The following COL15A1 variants were observed in gnomAD, a reference collection of about 807,000 sequenced individuals.
COL15A1 encodes collagen alpha-1(XV) chain.
Under a neutral mutation model 165.9 loss-of-function variants are expected in COL15A1, and 111 were observed. That is an observed-to-expected ratio of 0.67 (90% CI 0.57 to 0.78). COL15A1 has a LOEUF of 0.78. Ranked by LOEUF, COL15A1 falls within the 30% of genes least tolerant of loss-of-function variation. The pLI is 0.00. For synonymous variants in COL15A1, 659 were observed against 674.8 expected (o/e 0.98, Z 0.36); for missense variants, 1,745 against 1,789.7 (o/e 0.98, Z 0.45).
At chr9:99,064,149 C>T (rs1825859635) in intron 39 of COL15A1, among the ~76,000 whole-genome samples, 1 of 152,122 alleles carries the variant, frequency 6.6e-6, no homozygotes, top group African/African-American at 2.4e-5. Flanking sequence ...AGCTTGCACA[C>T]AGCTTTGGGT....
intron 12 of COL15A1, among the ~76,000 whole-genome samples, chr9:99,020,709 G>A (rs1839011736): frequency 6.6e-6 from 1 of 152,140 alleles, no homozygotes; most frequent in Non-Finnish European, 1.5e-5. Context: ...GTATCAAAGG[G>A]TCCTATGATT....
At chr9:98,971,985 G>A (rs1838064615) in intron 2 of COL15A1, among the ~76,000 whole-genome samples, 1 of 152,232 alleles carries the variant, frequency 6.6e-6, no homozygotes, top group South Asian at 2.1e-4. Context: ...TGTACTGACA[G>A]CTTGAGAGTG....
intron 16 of COL15A1, among the ~76,000 whole-genome samples, chr9:99,029,927 A>T (rs1839191559): frequency 9.6e-6 from 1 of 103,682 alleles, no homozygotes; most frequent in African/African-American, 5.0e-5. Context: ...CTCCATCTCA[A>T]AAAAAAAAAA....
rs140614219 is a variant in COL15A1 at position 99,024,976 on chromosome 9, C to A, written c.1957C>A (p.Pro653Thr). The A allele has an allele frequency of 8.0e-5, 129 of 1,613,642 alleles. 1 individual carries two copies. Among genetic ancestry groups the A allele is most frequent in the South Asian group, 6.7e-4 (61 of 91,024 alleles). Residue 653 changes from proline (P) to threonine (T), a missense_variant, in exon 15 of 42, where the codon CCT (proline) becomes ACT (threonine). By Grantham distance (38) the Pro-to-Thr change is conservative. Transcript: ENST00000375001. ...GPPGSPGEDG[P>T]AGEPGPPGPE... is the part of the protein sequence containing the mutation. Reference sequence around the variant, plus strand: ...CCCTGGATCTCCTGGAGAGGATGGACCTGCTGGTGAACCTGGGCCCCCGGT... The same window carrying A: ...CCCTGGATCTCCTGGAGAGGATGGAACTGCTGGTGAACCTGGGCCCCCGGT...
chr9:99,037,234 C>A (rs1222079596), intron 21 of COL15A1, among the ~76,000 whole-genome samples: 3 of 152,200 alleles, frequency 2.0e-5, no homozygotes, highest in African/African-American at 4.8e-5. Flanking sequence ...TGTCTGACTC[C>A]TCCACCTGCC....
chr9:98,964,155 A>C (rs192157826), intron 2 of COL15A1, among the ~76,000 whole-genome samples: 89 of 152,308 alleles, frequency 5.8e-4, no homozygotes, highest in African/African-American at 2.0e-3. Flanking sequence ...GCCCTGCACC[A>C]TTCTGGGGGA....
chr9:98,957,032 G>A (rs1289443755), intron 2 of COL15A1, among the ~76,000 whole-genome samples: 6 of 152,196 alleles, frequency 3.9e-5, no homozygotes, highest in Non-Finnish European at 8.8e-5. Context: ...CTAACCCCCA[G>A]GACGTGTCAC....
chr9:99,059,906 C>T lies in COL15A1; in HGVS notation c.3355C>T (p.Pro1119Ser). ...ILGAAVALPGPPGPPGQPGLP... is the reference protein window; with the variant it reads ...ILGAAVALPGSPGPPGQPGLP... ...TGTCTTAGCTGTGGCCCTTCCAGGTCCCCCTGGCCCTCCAGGACAGCCAGG... is the reference window on the plus strand; with the variant it reads ...TGTCTTAGCTGTGGCCCTTCCAGGTTCCCCTGGCCCTCCAGGACAGCCAGG... The change falls in exon 36 of 42, where the codon CCC (proline) becomes TCC (serine). Residue 1119 changes from proline (P) to serine (S), a missense_variant. Coordinates refer to ENST00000375001, the MANE Select transcript of COL15A1 (RefSeq NM_001855.5). The T allele has an allele frequency of 6.2e-7, 1 of 1,613,764 alleles. No homozygotes were observed. Among genetic ancestry groups the T allele is most frequent in the Non-Finnish European group, 8.5e-7 (1 of 1,179,852 alleles).
At chr9:99,038,794 G>A in intron 22 of COL15A1, 61 bp downstream of exon 22, 10 of 1,005,174 alleles carry the variant, frequency 9.9e-6, no homozygotes, top group South Asian at 7.8e-5. Flanking sequence ...TTGAAACAAA[G>A]TCGGGTTACT....
chr9:99,024,376 G>A (rs907703234), intron 14 of COL15A1, among the ~76,000 whole-genome samples: 1 of 149,366 alleles, frequency 6.7e-6, no homozygotes, highest in African/African-American at 2.5e-5. Flanking sequence ...CACCTCCCAG[G>A]TTTACTTACT....
chr9:98,948,764 A>G (rs1415760468), intron 2 of COL15A1, among the ~76,000 whole-genome samples: 1 of 152,192 alleles, frequency 6.6e-6, no homozygotes, highest in Non-Finnish European at 1.5e-5. Flanking sequence ...TAAGGGGGCT[A>G]TTGTCCAGGT....
rs761935565 is a variant in COL15A1 at position 98,989,257 on chromosome 9, C to G, written c.803C>G (p.Ser268Trp). 5 of 1,611,768 alleles carry G rather than the reference C, an allele frequency of 3.1e-6. No individual in the cohort carries two copies. The East Asian group carries it at 8.9e-5, about 29-fold the overall frequency. The change falls in exon 5 of 42, where the codon TCG (serine) becomes TGG (tryptophan). Residue 268 changes from serine (S) to tryptophan (W), a missense_variant and splice_region_variant. Ser to Trp is a radical substitution (Grantham distance 177). Transcript: ENST00000375001. ...ILEAVTYTQA[S>W]PKEAKVEPIN... ...GAAGCCGTCACCTACACTCAAGCCTCGGTGAGTACTGGGATGCTGTGCCAT... is the reference window on the plus strand; with the variant it reads ...GAAGCCGTCACCTACACTCAAGCCTGGGTGAGTACTGGGATGCTGTGCCAT...
At position 99,068,575 on chromosome 9, in the gene COL15A1, T is replaced by C. The variant is rs771452054; in HGVS notation, c.3858T>C (p.Asn1286=). The C allele has an allele frequency of 1.3e-6, 2 of 1,540,386 alleles. No individual in the cohort carries two copies. Among genetic ancestry groups the C allele is most frequent in the Non-Finnish European group, 8.7e-7 (1 of 1,152,402 alleles). Residue 1286 remains asparagine (N), a synonymous_variant, in exon 41 of 42, where the codon AAT becomes AAC. Transcript: ENST00000375001. ...TATAGGGCCAAGTACTTTTTAATAATTGGGACTCAATTTTTTCTGGCCACG... is the reference window on the plus strand; with the variant it reads ...TATAGGGCCAAGTACTTTTTAATAACTGGGACTCAATTTTTTCTGGCCACG... ...VNLKGQVLFN[N]WDSIFSGHGG...
At chr9:99,047,079 GT>G (rs1411355857) in intron 26 of COL15A1, among the ~76,000 whole-genome samples, 2 of 152,202 alleles carry the variant, frequency 1.3e-5, no homozygotes, top group African/African-American at 4.8e-5. Flanking sequence ...CAGACTGAGG[GT>G]AGAATTTGTT....
chr9:98,974,994 C>T (rs188248680), intron 2 of COL15A1, among the ~76,000 whole-genome samples: 1 of 152,344 alleles, frequency 6.6e-6, no homozygotes, highest in Admixed American at 6.5e-5. Context: ...CCTTAACAGA[C>T]CTTTCGCTTT....
chr9:98,948,339 C>T (rs374462855), intron 2 of COL15A1, among the ~76,000 whole-genome samples: 1 of 152,244 alleles, frequency 6.6e-6, no homozygotes, highest in East Asian at 1.9e-4. Flanking sequence ...TGGCTCACAC[C>T]TGTAATCCCA....
intron 9 of COL15A1, among the ~76,000 whole-genome samples, chr9:99,011,423 A>AAAAAC (rs548063268): frequency 0.041 from 5,601 of 135,016 alleles, 417 homozygotes; most frequent in South Asian, 0.11. Context: ...AAAAAAAAAA[A>AAAAAC]AGTCATTTTA....
chr9:99,058,594 TTCTC>T (rs1475717148), intron 35 of COL15A1, among the ~76,000 whole-genome samples: 1 of 152,246 alleles, frequency 6.6e-6, no homozygotes, highest in Non-Finnish European at 1.5e-5. Flanking sequence ...CAAGGATTGC[TTCTC>T]ACATAATGTA....
intron 2 of COL15A1, among the ~76,000 whole-genome samples, chr9:98,955,860 T>G (rs1452012473): frequency 2.0e-5 from 3 of 152,216 alleles, no homozygotes; most frequent in African/African-American, 7.2e-5. Context: ...ACAATCTTAG[T>G]GGCTAGCTAG....
Sources: allele counts gnomAD v4.1 joint callset (sites outside exome capture counted in the v4.1 genomes callset), GRCh38; gene constraint gnomAD v4.1.1; transcripts MANE v1.5; gene names NCBI Gene and HGNC (gene_info 2026-07-23, HGNC 2026-07-21).